The following FMN1 variants were observed in gnomAD, a reference collection of about 807,000 sequenced individuals.
FMN1 encodes the protein formin-1.
In FMN1, 110 loss-of-function variants were observed where a neutral mutation model predicts 132.4. The ratio of observed to expected loss-of-function variants is 0.83; its 90% confidence interval spans 0.71 to 0.97. The LOEUF is 0.97. Ranked by LOEUF, FMN1 falls within the 50% of genes least tolerant of loss-of-function variation. FMN1 has a pLI of 0.00. For missense variants in FMN1, 1,792 were observed against 1,705.3 expected (o/e 1.05, Z -0.90); for synonymous variants, 722 against 651.7 (o/e 1.11, Z -1.64).
At chr15:33,006,335 CGATGA>C (rs1319741592) in intron 7 of FMN1, among the ~76,000 whole-genome samples, 7 of 152,132 alleles carry the variant, frequency 4.6e-5, no homozygotes, top group East Asian at 1.9e-4. Context: ...ACTAAAACCA[CGATGA>C]GATATCACTT....
intron 4 of FMN1, among the ~76,000 whole-genome samples, chr15:33,101,662 T>C (rs1038419962): frequency 3.2e-4 from 48 of 151,796 alleles, no homozygotes; most frequent in African/African-American, 1.2e-3. Flanking sequence ...TTACCTGCCA[T>C]TCTTTGGCAG....
At chr15:33,129,949 T>A in intron 4 of FMN1, among the ~76,000 whole-genome samples, 1 of 152,104 alleles carries the variant, frequency 6.6e-6, no homozygotes, top group Non-Finnish European at 1.5e-5. Context: ...CACGCCAACA[T>A]GCCCAGCCAA....
chr15:32,925,749 G>A (rs1489515268), intron 10 of FMN1, among the ~76,000 whole-genome samples: 1 of 152,080 alleles, frequency 6.6e-6, no homozygotes, highest in Non-Finnish European at 1.5e-5. Flanking sequence ...AATGGCACTG[G>A]GTGGAGTATT....
At chr15:32,998,538 T>C (rs988390047) in intron 7 of FMN1, among the ~76,000 whole-genome samples, 1 of 152,044 alleles carries the variant, frequency 6.6e-6, no homozygotes, top group Non-Finnish European at 1.5e-5. Flanking sequence ...TTGTATAGAA[T>C]TTACAGAATT....
At chr15:32,897,370 A>C (rs1426098969) in intron 15 of FMN1, among the ~76,000 whole-genome samples, 1 of 152,224 alleles carries the variant, frequency 6.6e-6, no homozygotes, top group East Asian at 1.9e-4. Context: ...TCTGTAACAC[A>C]TATATTGGTA....
At chr15:33,128,672 T>C (rs1050175963) in intron 4 of FMN1, among the ~76,000 whole-genome samples, 2 of 152,350 alleles carry the variant, frequency 1.3e-5, no homozygotes, top group Admixed American at 1.3e-4. Context: ...GGTGAGTTTG[T>C]AGTCTCACTG....
intron 15 of FMN1, among the ~76,000 whole-genome samples, chr15:32,898,289 C>G (rs1360019007): frequency 6.7e-6 from 1 of 149,766 alleles, no homozygotes; most frequent in African/African-American, 2.4e-5. Context: ...AATTACAACT[C>G]CTTGTTCTCA....
intron 17 of FMN1, among the ~76,000 whole-genome samples, chr15:32,828,923 C>T (rs1205990576): frequency 6.6e-6 from 1 of 152,128 alleles, no homozygotes; most frequent in Non-Finnish European, 1.5e-5. Context: ...ATAATATTTC[C>T]TGGTAGATGA....
At chr15:32,824,107 A>G (rs1403796989) in intron 17 of FMN1, among the ~76,000 whole-genome samples, 1 of 152,264 alleles carries the variant, frequency 6.6e-6, no homozygotes, top group Non-Finnish European at 1.5e-5. Context: ...AGCAACAGAT[A>G]GTGTAATGTA....
At chr15:33,149,734 C>T in intron 4 of FMN1, 1 of 945,388 alleles carries the variant, frequency 1.1e-6, no homozygotes, top group East Asian at 1.2e-4. Context: ...GTACTACATA[C>T]TTTCTGTAGT....
intron 17 of FMN1, among the ~76,000 whole-genome samples, chr15:32,822,108 G>A (rs1054002383): frequency 3.9e-5 from 6 of 152,076 alleles, no homozygotes; most frequent in Admixed American, 6.5e-5. Flanking sequence ...CAGCACTTTG[G>A]GAGGCCAAGG....
chr15:32,948,059 TTGTCACATGCCTGC>T (rs2061547426), intron 9 of FMN1, among the ~76,000 whole-genome samples: 2 of 152,028 alleles, frequency 1.3e-5, no homozygotes, highest in South Asian at 4.1e-4. Flanking sequence ...AAATATGCCC[TTGTCACATGCCTGC>T]TTCGTGGACA....
intron 4 of FMN1, among the ~76,000 whole-genome samples, chr15:33,152,794 A>AAAC (rs1555409165): frequency 4.6e-5 from 7 of 150,728 alleles, no homozygotes; most frequent in Non-Finnish European, 1.0e-4. Context: ...ATGCCAAAAA[A>AAAC]AAAAAAAAAG....
intron 17 of FMN1, among the ~76,000 whole-genome samples, chr15:32,812,282 C>A (rs893962868): frequency 2.6e-5 from 4 of 152,080 alleles, no homozygotes; most frequent in African/African-American, 9.7e-5. Context: ...AATGTGAGTC[C>A]TGAGGCAATC....
chr15:33,001,559 TC>T (rs2034108509), intron 7 of FMN1, among the ~76,000 whole-genome samples: 1 of 113,144 alleles, frequency 8.8e-6, no homozygotes, highest in African/African-American at 3.2e-5. Context: ...CTCCTCCTCC[TC>T]CCACTTCCCC....
chr15:33,069,993 C>CT (rs1171369156), intron 5 of FMN1, among the ~76,000 whole-genome samples: 3,066 of 73,958 alleles, frequency 0.041, 463 homozygotes, highest in African/African-American at 0.052. Context: ...CAGTCTTTCT[C>CT]TTTTTTTTTT....
intron 9 of FMN1, among the ~76,000 whole-genome samples, chr15:32,950,048 T>TACAC (rs1253593566): frequency 1.1e-3 from 6 of 5,564 alleles, no homozygotes; most frequent in African/African-American, 1.6e-3. Flanking sequence ...TATATATATA[T>TACAC]ATACACATAT....
At chr15:33,017,727 CT>C (rs1326998078) in intron 6 of FMN1, among the ~76,000 whole-genome samples, 1 of 152,198 alleles carries the variant, frequency 6.6e-6, no homozygotes, top group East Asian at 1.9e-4. Flanking sequence ...CTCCAAGCCA[CT>C]AGTTTCTTAC....
chr15:33,154,210 G>A lies in FMN1; in HGVS notation c.705C>T (p.Ser235=). The part of the protein sequence containing the change: ...ALACSLQRRE[S]CPPDIPKTPD... ...GCGTCTTGGGAATATCTGGGGGGCA[G>A]CTCTCTCTCCTCTGCAGGGAGCAGG... Residue 235 remains serine, a synonymous_variant, in exon 4 of 21, where the codon AGC becomes AGT. Transcript: ENST00000616417. 6.5e-7 allele frequency: 1 copy of A among 1,536,290 alleles called. No individual in the cohort carries two copies. Among genetic ancestry groups the A allele is most frequent in the Non-Finnish European group, 8.7e-7 (1 of 1,146,954 alleles).
Sources: gnomAD v4.1 joint callset for allele counts (sites outside exome capture counted in the v4.1 genomes callset) on GRCh38, gnomAD v4.1.1 for gene constraint, MANE v1.5 for transcripts, NCBI Gene and HGNC (gene_info 2026-07-23, HGNC 2026-07-21) for gene names.